Variants in KIN observed in about 807,000 individuals in gnomAD.
KIN encodes Kin17 DNA and RNA binding protein, also known as DNA/RNA-binding protein KIN17.
A neutral mutation model predicts 63.0 loss-of-function variants in KIN; 47 were observed. The observed-to-expected ratio is 0.75, with a 90% CI of 0.59 to 0.95. The LOEUF (loss-of-function observed/expected upper bound fraction) is 0.95, where lower values mean the gene tolerates loss of function less well. Among genes scored for constraint, KIN ranks in the 40% least tolerant of loss-of-function variants. The pLI is 0.00. For synonymous variants in KIN, 160 were observed against 157.7 expected, an observed-to-expected ratio of 1.01 and a Z score of -0.11; for missense variants, 408 against 460.9, an observed-to-expected ratio of 0.89 and a Z score of 1.05.
At chr10:7,760,860 C>A (rs1430374853) in intron 11 of KIN, among the ~76,000 whole-genome samples, 4 of 152,084 alleles carry the variant, frequency 2.6e-5, no homozygotes. Flanking sequence ...TACTGCATAT[C>A]CATACAATGA....
intron 11 of KIN, 33 bp from the exon 12 acceptor site, chr10:7,760,023 A>G: frequency 9.9e-7 from 1 of 1,006,684 alleles, no homozygotes; most frequent in Non-Finnish European, 1.5e-6. Flanking sequence ...AATTAATGTG[A>G]AGAAATATCT....
intron 12 of KIN, among the ~76,000 whole-genome samples, chr10:7,757,460 T>C (rs969784833): frequency 2.0e-5 from 3 of 151,906 alleles, no homozygotes; most frequent in African/African-American, 7.3e-5. Flanking sequence ...ATCGCGCCAT[T>C]GCACTCCAGC....
At position 7,769,346 on chromosome 10, in the gene KIN, C is replaced by T; in HGVS notation, c.669-1G>A. 1 of 1,610,148 alleles carries T rather than the reference C, an allele frequency of 6.2e-7. No homozygotes were observed. Among genetic ancestry groups the T allele is most frequent in the African/African-American group, 1.3e-5 (1 of 74,702 alleles). On this transcript the variant is annotated splice_acceptor_variant, in intron 7 of 12. Transcript: ENST00000379562. LOFTEE classifies it high-confidence loss of function. ...CTTCAGTGCACTCGGTCCCAGAGTA[C>T]TGATGAACAGGAGAACCATGCTTGT... is the stretch of plus-strand genomic sequence containing the variant.
At chr10:7,758,124 A>G (rs1835368961) in intron 12 of KIN, among the ~76,000 whole-genome samples, 1 of 140,334 alleles carries the variant, frequency 7.1e-6, no homozygotes. Flanking sequence ...CCCAGGCCGG[A>G]GTAAGTGGCG....
chr10:7,777,901 C>T (rs1283953271), intron 5 of KIN, among the ~76,000 whole-genome samples: 12 of 149,892 alleles, frequency 8.0e-5, no homozygotes, highest in South Asian at 4.2e-4. Context: ...TCCGTCCCCC[C>T]CCCAAAAAAA....
chr10:7,756,980 C>T (rs992850413), intron 12 of KIN, among the ~76,000 whole-genome samples: 25 of 152,170 alleles, frequency 1.6e-4, no homozygotes, highest in Admixed American at 1.2e-3. Context: ...AACCTACACT[C>T]CCCAAGTTCA....
At chr10:7,772,907 T>A (rs1352767248) in intron 7 of KIN, among the ~76,000 whole-genome samples, 1 of 151,780 alleles carries the variant, frequency 6.6e-6, no homozygotes, top group Non-Finnish European at 1.5e-5. Flanking sequence ...AAGAAAAGAG[T>A]CTTTGCAAAT....
At chr10:7,787,491 T>C (rs1338195382) in intron 1 of KIN, among the ~76,000 whole-genome samples, 2 of 152,230 alleles carry the variant, frequency 1.3e-5, no homozygotes, top group African/African-American at 2.4e-5. Flanking sequence ...TGATGACTGT[T>C]ACTGGCATTG....
At chr10:7,770,776 T>C (rs982496720) in intron 7 of KIN, among the ~76,000 whole-genome samples, 5 of 152,222 alleles carry the variant, frequency 3.3e-5, no homozygotes, top group Admixed American at 6.5e-5. Flanking sequence ...AAAAAATATA[T>C]GATTAGTAGA....
intron 9 of KIN, among the ~76,000 whole-genome samples, chr10:7,765,714 G>A (rs1835530267): frequency 6.6e-6 from 1 of 152,104 alleles, no homozygotes; most frequent in Non-Finnish European, 1.5e-5. Context: ...CAACACTTGG[G>A]CATTTACAGT....
At chr10:7,781,403 C>T (rs1835891433) in intron 2 of KIN, among the ~76,000 whole-genome samples, 1 of 151,918 alleles carries the variant, frequency 6.6e-6, no homozygotes, top group South Asian at 2.1e-4. Context: ...TTTGAAGTAC[C>T]CCGAATGTCA....
At chr10:7,787,717 C>A in intron 1 of KIN, 103 bp downstream of exon 1, 1 of 866,862 alleles carries the variant, frequency 1.2e-6, no homozygotes, top group East Asian at 2.4e-5. Context: ...ACGACCCGGA[C>A]CCCGGGAGCC....
At chr10:7,760,020 G>A (rs1446293797) in intron 11 of KIN, 30 bp from the exon 12 acceptor site, 2 of 1,055,220 alleles carry the variant, frequency 1.9e-6, no homozygotes, top group Middle Eastern at 2.1e-4. Context: ...AAAAATTAAT[G>A]TGAAGAAATA....
chr10:7,769,180 G>A, intron 8 of KIN, 36 bp downstream of exon 8: 1 of 1,569,070 alleles, frequency 6.4e-7, no homozygotes, highest in Non-Finnish European at 8.6e-7. Flanking sequence ...TTTTCCTTGG[G>A]TTCTAAGGTG....
At chr10:7,756,820 C>A (rs1835341231) in intron 12 of KIN, among the ~76,000 whole-genome samples, 1 of 152,012 alleles carries the variant, frequency 6.6e-6, no homozygotes, top group South Asian at 2.1e-4. Flanking sequence ...TTACACTGGT[C>A]CAGATTATAA....
At chr10:7,758,456 C>G (rs1484922277) in intron 12 of KIN, among the ~76,000 whole-genome samples, 1 of 152,092 alleles carries the variant, frequency 6.6e-6, no homozygotes, top group East Asian at 1.9e-4. Flanking sequence ...TAAGTTCTAC[C>G]TCAGTACAGA....
chr10:7,778,339 T>C (rs1197411014), intron 5 of KIN, among the ~76,000 whole-genome samples: 1 of 152,228 alleles, frequency 6.6e-6, no homozygotes, highest in Non-Finnish European at 1.5e-5. Flanking sequence ...AGTTAGTATG[T>C]CAGGAATCAA....
chr10:7,786,414 G>A (rs1328983733), intron 1 of KIN, among the ~76,000 whole-genome samples: 1 of 151,930 alleles, frequency 6.6e-6, no homozygotes, highest in Non-Finnish European at 1.5e-5. Context: ...AAGTAAATAC[G>A]GCAAAATTAC....
Position 7,755,808 on chromosome 10 carries a change from TATA to T in KIN, c.*269_*271del, listed in dbSNP as rs1397361983. 2.9e-5 allele frequency: 7 copies of T among 241,428 alleles called. No homozygotes were observed. The highest frequency in any genetic ancestry group is 1.1e-4 in the African/African-American group (5 of 44,730). The allele number at this position is 241,428 out of a possible 1,614,324, so 15.0% of individuals were successfully genotyped here. A position where few individuals can be genotyped will look rare whatever the true frequency, so the allele number is the denominator to read the frequency against. ...CTAAATTGTCATAGATAAAACACTT[TATA>T]ATAACATTCTTTAATGAAGATATAA... On this transcript the variant is annotated 3_prime_UTR_variant, in exon 13 of 13. Coordinates refer to ENST00000379562, the MANE Select transcript of KIN (RefSeq NM_012311.4).
Sources: gnomAD v4.1 joint callset for allele counts (sites outside exome capture counted in the v4.1 genomes callset) on GRCh38, gnomAD v4.1.1 for gene constraint, MANE v1.5 for transcripts, NCBI Gene and HGNC (gene_info 2026-07-23, HGNC 2026-07-21) for gene names.